PRRX1: variants seen among roughly 807,000 people sequenced by gnomAD.
The protein encoded by PRRX1 is paired related homeobox 1.
Under a neutral mutation model 24.0 loss-of-function variants are expected in PRRX1, and 8 were observed. The observed-to-expected ratio is 0.33, with a 90% confidence interval of 0.20 to 0.60. PRRX1 has a LOEUF of 0.60. Ranked by LOEUF, PRRX1 falls within the 20% of genes least tolerant of loss-of-function variation. The pLI is 0.82. For missense variants in PRRX1, 281 were observed against 322.4 expected, an observed-to-expected ratio of 0.87 and a Z score of 0.98; for synonymous variants, 160 against 131.7, an observed-to-expected ratio of 1.22 and a Z score of -1.47.
At chr1:170,720,022 C>T (rs193278808) in intron 2 of PRRX1, 121 bp downstream of exon 2, 10 of 1,334,414 alleles carry the variant, frequency 7.5e-6, no homozygotes, top group South Asian at 2.4e-5. Flanking sequence ...AATCTCAGCA[C>T]GTTGGGAGGT....
In PRRX1 at chr1:170,736,348, G is replaced by A. The variant is rs1233130926; in HGVS notation, c.*162G>A. 6 of 967,904 alleles carry A rather than the reference G, an allele frequency of 6.2e-6. No homozygotes were observed. Among genetic ancestry groups the A allele is most frequent in the Non-Finnish European group, 9.2e-6 (6 of 653,710 alleles). The allele number at this position is 967,904 out of a possible 1,614,324, so 60.0% of individuals were successfully genotyped here. ...ACCATGGCAGAGAAAAGCAGGAGAG[G>A]AGCAAAATGAAAATTAGTTAACAAA... On this transcript the variant is annotated 3_prime_UTR_variant, in exon 4 of 4. Transcript: ENST00000239461.
chr1:170,714,986 T>G (rs1372834449), intron 1 of PRRX1, among the ~76,000 whole-genome samples: 1 of 152,200 alleles, frequency 6.6e-6, no homozygotes, highest in African/African-American at 2.4e-5. Flanking sequence ...CTCTTTCTTG[T>G]GTATTTTCTT....
At chr1:170,699,276 C>A (rs1424844833) in intron 1 of PRRX1, among the ~76,000 whole-genome samples, 1 of 152,148 alleles carries the variant, frequency 6.6e-6, no homozygotes, top group African/African-American at 2.4e-5. Flanking sequence ...AAAGACTTTT[C>A]TGTTTCTCTA....
rs1355740920 is a variant in PRRX1 at position 170,664,298 on chromosome 1, C to A, written c.80C>A (p.Thr27Asn). 1.2e-6 allele frequency: 2 copies of A among 1,613,546 alleles called. No individual in the cohort carries two copies. The highest frequency in any genetic ancestry group is 8.5e-7 in the Non-Finnish European group (1 of 1,179,842). The change falls in exon 1 of 4, where the codon ACC (threonine) becomes AAC (asparagine). Residue 27 changes from threonine (T) to asparagine (N), a missense_variant. Thr to Asn is a moderately conservative substitution (Grantham distance 65). Coordinates refer to ENST00000239461, the MANE Select transcript of PRRX1 (RefSeq NM_022716.4). ...GRLDSPGNLDTLQAKKNFSVS... is the reference protein window; with the variant it reads ...GRLDSPGNLDNLQAKKNFSVS... ...TTGGACAGCCCGGGCAACCTCGACA[C>A]CCTGCAGGCGAAAAAGAACTTCTCC...
chr1:170,735,183 A>G (rs1655564913), intron 3 of PRRX1, among the ~76,000 whole-genome samples: 1 of 152,214 alleles, frequency 6.6e-6, no homozygotes, highest in Non-Finnish European at 1.5e-5. Context: ...GGATGCAATT[A>G]ACAGAAACCC....
chr1:170,732,058 A>G (rs1341440088), intron 3 of PRRX1, among the ~76,000 whole-genome samples: 1 of 152,192 alleles, frequency 6.6e-6, no homozygotes, highest in African/African-American at 2.4e-5. Context: ...ACCAACAGGC[A>G]GGATCTCTGG....
At chr1:170,685,784 TG>T (rs1221714776) in intron 1 of PRRX1, among the ~76,000 whole-genome samples, 1 of 152,134 alleles carries the variant, frequency 6.6e-6, no homozygotes, top group Non-Finnish European at 1.5e-5. Context: ...GGTAACAAGC[TG>T]CTAGGGATTC....
chr1:170,685,669 T>TTTC (rs2101894442), intron 1 of PRRX1, among the ~76,000 whole-genome samples: 1 of 151,102 alleles, frequency 6.6e-6, no homozygotes, highest in East Asian at 1.9e-4. Context: ...TCTTTCTTTC[T>TTTC]TTTTTTTTAA....
chr1:170,729,289 G>C (rs1655352851), intron 3 of PRRX1, among the ~76,000 whole-genome samples: 1 of 152,186 alleles, frequency 6.6e-6, no homozygotes, highest in Non-Finnish European at 1.5e-5. Context: ...GCCTGCAGCT[G>C]AAGTCCACAC....
At chr1:170,722,075 A>T (rs1655103455) in intron 2 of PRRX1, among the ~76,000 whole-genome samples, 1 of 151,202 alleles carries the variant, frequency 6.6e-6, no homozygotes, top group Non-Finnish European at 1.5e-5. Context: ...ACTATTTTTT[A>T]TTTCTCTTTT....
Position 170,664,547 on chromosome 1 carries a change from A to G in PRRX1, c.241+88A>G, listed in dbSNP as rs567345038. The stretch of plus-strand genomic sequence containing the variant: ...GGGCAGCTAGAGCCCGTCCGCGGCC[A>G]GAAAGACAAGGTCCTGGGACCAGGA... On this transcript the variant is annotated intron_variant, in intron 1 of 3. Transcript: ENST00000239461. The G allele has an allele frequency of 5.2e-3, 7,763 of 1,498,984 alleles. 49 individuals carry two copies. Among genetic ancestry groups the G allele is most frequent in the Middle Eastern group, 0.016 (65 of 4,142 alleles). The allele number at this position is 1,498,984 out of a possible 1,614,324, so 92.9% of individuals were successfully genotyped here.
chr1:170,731,413 T>C (rs932732732), intron 3 of PRRX1, among the ~76,000 whole-genome samples: 11 of 152,202 alleles, frequency 7.2e-5, no homozygotes, highest in African/African-American at 2.4e-4. Context: ...CATCTTGTCA[T>C]CATTTGTTCA....
chr1:170,667,857 C>G (rs1308159883), intron 1 of PRRX1: 1 of 152,200 alleles, frequency 6.6e-6, no homozygotes, highest in Non-Finnish European at 1.5e-5. Context: ...AAAACAAACT[C>G]CACTTACACC....
At position 170,684,015 on chromosome 1, in the gene PRRX1, G is replaced by A. The variant is rs147934106; in HGVS notation, c.241+19556G>A. Among the ~76,000 whole-genome samples the A allele has an allele frequency of 1.1e-3, 167 of 152,274 alleles. 2 individuals carry two copies. Among genetic ancestry groups the A allele is most frequent in the African/African-American group, 4.0e-3 (165 of 41,550 alleles). ...ATTCAGCATCATGCCAAGCACTTTG[G>A]AGGATATTAAAGAAGTGAATGGCAT... On this transcript the variant is annotated intron_variant, in intron 1 of 3. Coordinates refer to ENST00000239461, the MANE Select transcript of PRRX1 (RefSeq NM_022716.4).
chr1:170,663,588 T>C (rs1257924782), upstream of PRRX1: 1 of 152,066 alleles, frequency 6.6e-6, no homozygotes, highest in Non-Finnish European at 1.5e-5. Context: ...CCTGAAACTT[T>C]AGTCACTCCT....
chr1:170,705,346 A>G (rs185707214), intron 1 of PRRX1, among the ~76,000 whole-genome samples: 6 of 152,292 alleles, frequency 3.9e-5, no homozygotes, highest in Admixed American at 1.3e-4. Flanking sequence ...CAGTGGCACA[A>G]TCATGGCCTC....
At chr1:170,719,591 G>C in intron 1 of PRRX1, 135 bp from the exon 2 acceptor site, 1 of 957,956 alleles carries the variant, frequency 1.0e-6, no homozygotes, top group Non-Finnish European at 1.6e-6. Flanking sequence ...CATGCAAAGT[G>C]GCATTTGGCT....
intron 1 of PRRX1, among the ~76,000 whole-genome samples, chr1:170,696,515 G>A (rs1246139814): frequency 6.6e-6 from 1 of 152,048 alleles, no homozygotes; most frequent in Admixed American, 6.6e-5. Flanking sequence ...CTCACTCAAT[G>A]ATTCTTACGA....
rs900635913 is a variant in PRRX1, at chr1:170,738,779, T to G, written c.*2593T>G. 3 of 228,036 alleles carry G rather than the reference T, an allele frequency of 1.3e-5. No homozygotes were observed. The highest frequency in any genetic ancestry group is 6.7e-5 in the African/African-American group (3 of 45,104). 14.1% of individuals were successfully genotyped at this position (228,036 alleles called of 1,614,324 possible). A position where few individuals can be genotyped will look rare whatever the true frequency, so the allele number is the denominator to read the frequency against. Reference sequence around the variant, plus strand: ...TGAAATTTTGATTCAGACATCCATTTCCAGTGGCAAACAGCAAAGCCTGAA... The same window carrying G: ...TGAAATTTTGATTCAGACATCCATTGCCAGTGGCAAACAGCAAAGCCTGAA... On this transcript the variant is annotated 3_prime_UTR_variant, in exon 4 of 4. Coordinates refer to ENST00000239461, the MANE Select transcript of PRRX1 (RefSeq NM_022716.4).
Sources: gnomAD v4.1 joint callset for allele counts (sites outside exome capture counted in the v4.1 genomes callset) on GRCh38, gnomAD v4.1.1 for gene constraint, MANE v1.5 for transcripts, NCBI Gene and HGNC (gene_info 2026-07-23, HGNC 2026-07-21) for gene names.